DST: variants seen among roughly 807,000 people sequenced by gnomAD.
DST encodes the protein bullous pemphigoid antigen.
In DST, 253 loss-of-function variants were observed where a neutral mutation model predicts 875.2. The observed-to-expected ratio is 0.29, with a 90% CI of 0.26 to 0.32. The LOEUF (loss-of-function observed/expected upper bound fraction) is 0.32. Ranked by LOEUF, DST falls within the 10% of genes least tolerant of loss-of-function variation. DST has a pLI of 1.00. For synonymous variants in DST, 3,124 were observed against 3,197.1 expected (o/e 0.98, Z 0.77); for missense variants, 8,287 against 9,111.6 (o/e 0.91, Z 3.68).
intron 3 of DST, among the ~76,000 whole-genome samples, chr6:56,891,228 G>A (rs541458788): frequency 6.6e-6 from 1 of 152,302 alleles, no homozygotes; most frequent in South Asian, 2.1e-4. Flanking sequence ...ACAACGTCCA[G>A]TCTCTCAGAC....
At chr6:56,692,983 T>G in intron 9 of DST, 2 of 1,289,860 alleles carry the variant, frequency 1.6e-6, no homozygotes, top group Non-Finnish European at 2.0e-6. Flanking sequence ...GCCTTCATTT[T>G]CATTGTTTGC....
intron 4 of DST, among the ~76,000 whole-genome samples, chr6:56,810,415 T>C (rs17684772): frequency 0.17 from 25,300 of 152,152 alleles, 2,349 homozygotes; most frequent in Non-Finnish European, 0.19. Flanking sequence ...ATTCATAACA[T>C]ACCCAAGTAT....
chr6:56,552,787 A>G lies in DST; in HGVS notation c.16005T>C (p.Leu5335=). 3 of 1,610,868 alleles carry G rather than the reference A, an allele frequency of 1.9e-6. No homozygotes were observed. The highest frequency in any genetic ancestry group is 1.3e-5 in the African/African-American group (1 of 75,048). The stretch of plus-strand genomic sequence containing the variant: ...AGGCCTCTACCACAAGGTCCTGTGC[A>G]AGTCTTTTAGCCAAATCTACCTGAT... ...LKHQVDLAKR[L]AQDLVVEASD... The change falls in exon 61 of 104, where the codon CTT becomes CTC. Residue 5335 remains leucine (L), a synonymous_variant. Transcript: ENST00000680361.
At chr6:56,672,184 C>T (rs1251828823) in intron 9 of DST, among the ~76,000 whole-genome samples, 1 of 152,170 alleles carries the variant, frequency 6.6e-6, no homozygotes, top group African/African-American at 2.4e-5. Flanking sequence ...TCCAGGGACC[C>T]GGGGCAGGAA....
chr6:56,605,220 A>G lies in DST; in HGVS notation c.9408T>C (p.Asn3136=). 3.7e-6 allele frequency: 6 copies of G among 1,611,760 alleles called. No individual in the cohort carries two copies. The highest frequency in any genetic ancestry group is 5.1e-6 in the Non-Finnish European group (6 of 1,178,760). The change falls in exon 40 of 104, where the codon AAT becomes AAC. Residue 3136 remains asparagine (N), a synonymous_variant. Coordinates refer to ENST00000680361, the MANE Select transcript of DST (RefSeq NM_001374736.1). Reference sequence around the variant, plus strand: ...CTGATGTGTCAAAAATTTCTTCAAGATTCTCAAACTGAACAGGACTTTTAC... The same window carrying G: ...CTGATGTGTCAAAAATTTCTTCAAGGTTCTCAAACTGAACAGGACTTTTAC... ...IVSKSPVQFE[N]LEEIFDTSVS...
At chr6:56,742,276 C>T (rs897681348) in intron 4 of DST, 15 of 1,287,886 alleles carry the variant, frequency 1.2e-5, no homozygotes, top group Non-Finnish European at 1.4e-5. Flanking sequence ...CTAACCCATA[C>T]AGCACATCAG....
At position 56,866,028 on chromosome 6, in the gene DST, C is replaced by T. The variant is rs189698551; in HGVS notation, c.418-14424G>A. Among the ~76,000 whole-genome samples, 257 of 151,680 alleles carry T rather than the reference C, an allele frequency of 1.7e-3. 1 individual carries two copies. Among genetic ancestry groups the T allele is most frequent in the Non-Finnish European group, 2.6e-3 (174 of 67,936 alleles). ...TTGAGATGGAGTCTCACTCTGTTGC[C>T]CAGGCTGGAGTGCAGAGTGTAGTGG... is the stretch of plus-strand genomic sequence containing the variant. On this transcript the variant is annotated intron_variant, in intron 3 of 103. Transcript: ENST00000680361.
chr6:56,807,171 C>T (rs930057320), intron 4 of DST, among the ~76,000 whole-genome samples: 3 of 152,132 alleles, frequency 2.0e-5, no homozygotes, highest in Non-Finnish European at 4.4e-5. Context: ...CCATGTCAGC[C>T]TCCCAAGTAG....
chr6:56,651,909 A>G (rs2098978016), intron 10 of DST, among the ~76,000 whole-genome samples: 1 of 152,238 alleles, frequency 6.6e-6, no homozygotes, highest in Non-Finnish European at 1.5e-5. Context: ...ACTCCAAGAT[A>G]GCAAGTACTA....
intron 12 of DST, 106 bp from the exon 13 acceptor site, chr6:56,648,795 T>A: frequency 1.1e-6 from 1 of 939,448 alleles, no homozygotes; most frequent in Non-Finnish European, 1.5e-6. Flanking sequence ...ATTTGAAGCC[T>A]GACAGACAGA....
intron 49 of DST, among the ~76,000 whole-genome samples, chr6:56,584,757 A>C: frequency 6.6e-6 from 1 of 152,032 alleles, no homozygotes; most frequent in Non-Finnish European, 1.5e-5. Context: ...TATTATTTTG[A>C]GATACGTCCC....
At chr6:56,485,501 T>C in intron 87 of DST, 30 bp from the exon 88 acceptor site, 2 of 1,600,814 alleles carry the variant, frequency 1.2e-6, no homozygotes, top group Non-Finnish European at 1.7e-6. Context: ...AATTGATCCT[T>C]GCAACAAAAA....
rs1349181093 is a variant in DST at position 56,635,664 on chromosome 6, A to G, written c.3111T>C (p.Asp1037=). The part of the protein sequence containing the change: ...EATDYLRNLK[D]AIQRKYSCDR... ...CACAGCTGTACTTCCGCTGAATGGC[A>G]TCTTTTAGATTCCTTAAGTAATCAG... Residue 1037 remains aspartate (D), a synonymous_variant, in exon 24 of 104, where the codon GAT becomes GAC. Coordinates refer to ENST00000680361, the MANE Select transcript of DST (RefSeq NM_001374736.1). The G allele has an allele frequency of 1.9e-6, 3 of 1,613,972 alleles. No individual in the cohort carries two copies. Among genetic ancestry groups the G allele is most frequent in the Admixed American group, 3.3e-5 (2 of 60,024 alleles).
At chr6:56,620,034 C>A in intron 36 of DST, 2 of 1,613,940 alleles carry the variant, frequency 1.2e-6, no homozygotes, top group Middle Eastern at 1.6e-4. Flanking sequence ...ACTGGCAATG[C>A]ATTTTCTCTA....
chr6:56,552,052 T>C (rs2097334541), intron 61 of DST, 132 bp downstream of exon 61: 2 of 1,066,654 alleles, frequency 1.9e-6, no homozygotes. Flanking sequence ...CCCCCATATA[T>C]GCTCATTCTG....
At chr6:56,851,826 A>G in intron 3 of DST, 1 of 1,551,678 alleles carries the variant, frequency 6.4e-7, no homozygotes, top group Non-Finnish European at 8.7e-7. Flanking sequence ...TAAAAACAAT[A>G]CACAGGCAGT....
At chr6:56,573,402 G>A (rs2097807217) in intron 51 of DST, among the ~76,000 whole-genome samples, 1 of 152,194 alleles carries the variant, frequency 6.6e-6, no homozygotes, top group Admixed American at 6.5e-5. Context: ...TGTGCAGCTG[G>A]CTGAAACAAT....
At position 56,646,182 on chromosome 6, in the gene DST, C is replaced by G; in HGVS notation, c.1555G>C (p.Ala519Pro). 1.4e-6 allele frequency: 2 copies of G among 1,464,680 alleles called. No homozygotes were observed. The highest frequency in any genetic ancestry group is 1.8e-6 in the Non-Finnish European group (2 of 1,087,816). 90.7% of individuals were successfully genotyped at this position (1,464,680 alleles called of 1,614,324 possible). A position where few individuals can be genotyped will look rare whatever the true frequency, so the allele number is the denominator to read the frequency against. Residue 519 changes from alanine (A) to proline (P), a missense_variant and splice_region_variant, in exon 14 of 104, where the codon GCA becomes CCA. By Grantham distance (27) the Ala-to-Pro change is conservative. Around this residue, in one of 10 missense-constraint regions of DST, gnomAD observed 1,160 missense variants for 1,424.3 expected, o/e 0.81. Transcript: ENST00000680361. ...TFPNNPVELKALYNQYLQFKE... is the reference protein window; with the variant it reads ...TFPNNPVELKPLYNQYLQFKE... ...AACTGTAAATACTGATTATAAAGTG[C>G]CTAAAATAAAAAGGACAAGAAATTA...
intron 3 of DST, among the ~76,000 whole-genome samples, chr6:56,880,060 T>C (rs976340786): frequency 6.6e-6 from 1 of 152,254 alleles, no homozygotes; most frequent in South Asian, 2.1e-4. Context: ...TCCAGAAAGG[T>C]ACTTTGGATA....
Sources: gnomAD v4.1 joint callset for allele counts (sites outside exome capture counted in the v4.1 genomes callset) on GRCh38, gnomAD v4.1.1 for gene constraint, gnomAD v4.1.1 regional missense constraint, MANE v1.5 for transcripts, NCBI Gene and HGNC (gene_info 2026-07-23, HGNC 2026-07-21) for gene names.